The following SAMD3 variants were observed in gnomAD, a reference collection of about 807,000 sequenced individuals.
SAMD3 encodes the protein sterile alpha motif domain-containing protein 3.
Under a neutral mutation model 58.5 loss-of-function variants are expected in SAMD3, and 63 were observed. That is an observed-to-expected ratio of 1.08 (90% CI 0.88 to 1.33). SAMD3 has a LOEUF of 1.33. Among genes scored for constraint, SAMD3 ranks in the 40% most tolerant of loss-of-function variants. SAMD3 has a pLI of 0.00. For missense variants in SAMD3, 604 were observed against 608.4 expected (o/e 0.99, Z 0.08); for synonymous variants, 220 against 210.3 (o/e 1.05, Z -0.40).
intron 2 of SAMD3, among the ~76,000 whole-genome samples, chr6:130,245,530 C>T (rs928028489): frequency 1.3e-5 from 2 of 152,166 alleles, no homozygotes; most frequent in African/African-American, 2.4e-5. Flanking sequence ...AGGTCACTGG[C>T]ACCTGCCAGG....
intron 10 of SAMD3, 22 bp from the exon 11 acceptor site, chr6:130,145,444 C>T: frequency 2.6e-6 from 4 of 1,535,474 alleles, no homozygotes; most frequent in Non-Finnish European, 3.6e-6. Context: ...AATATGTTAA[C>T]ATGTGAAGTA....
chr6:130,200,092 A>C (rs903808240), intron 5 of SAMD3, among the ~76,000 whole-genome samples: 6 of 152,082 alleles, frequency 3.9e-5, no homozygotes, highest in Non-Finnish European at 7.4e-5. Flanking sequence ...CTAATTCATC[A>C]AAAACAAAGC....
At chr6:130,211,707 T>C (rs534412480) in intron 4 of SAMD3, among the ~76,000 whole-genome samples, 1 of 152,122 alleles carries the variant, frequency 6.6e-6, no homozygotes, top group Non-Finnish European at 1.5e-5. Flanking sequence ...CCGTAAAATG[T>C]ATAAAAGCAA....
chr6:130,282,593 T>C (rs535697094), intron 2 of SAMD3, among the ~76,000 whole-genome samples: 1 of 152,094 alleles, frequency 6.6e-6, no homozygotes, highest in African/African-American at 2.4e-5. Flanking sequence ...TGAATAAATA[T>C]GGGACTTTCA....
chr6:130,274,335 T>C (rs1774694553), intron 2 of SAMD3, among the ~76,000 whole-genome samples: 2 of 152,160 alleles, frequency 1.3e-5, no homozygotes, highest in African/African-American at 4.8e-5. Context: ...TTGCTTATAA[T>C]TTTGAAGTAT....
chr6:130,215,215 T>C lies in SAMD3; in HGVS notation c.59A>G (p.Glu20Gly), dbSNP rs758994458. ...CSWLVEKNLG[E>G]LVHRFQEEEV... ...CTCACCTTGAAATCTATGAACTAGC[T>C]CTCCTAAATTTTTCTCCACCAACCA... The change falls in exon 3 of 12, where the codon GAG becomes GGG. Residue 20 changes from glutamate to glycine, a missense_variant. Coordinates refer to ENST00000439090, the MANE Select transcript of SAMD3 (RefSeq NM_001017373.4). 6.2e-7 allele frequency: 1 copy of C among 1,603,030 alleles called. No homozygotes were observed. Among genetic ancestry groups the C allele is most frequent in the Non-Finnish European group, 8.5e-7 (1 of 1,170,706 alleles).
intron 1 of SAMD3, among the ~76,000 whole-genome samples, chr6:130,347,240 G>A (rs1044153703): frequency 4.6e-5 from 7 of 152,170 alleles, no homozygotes; most frequent in Non-Finnish European, 1.0e-4. Context: ...TGACTTTGAC[G>A]AGTTGAGAGA....
At chr6:130,244,670 G>A (rs1306668610) in intron 2 of SAMD3, among the ~76,000 whole-genome samples, 1 of 151,950 alleles carries the variant, frequency 6.6e-6, no homozygotes. Context: ...AACCCAGGAG[G>A]TGGAGGTTGC....
intron 2 of SAMD3, among the ~76,000 whole-genome samples, chr6:130,239,575 C>G (rs1422365333): frequency 2.0e-5 from 3 of 152,092 alleles, no homozygotes; most frequent in African/African-American, 7.2e-5. Flanking sequence ...AGTCCAACTA[C>G]TTCTATTACA....
chr6:130,208,955 G>A (rs1795306499), intron 5 of SAMD3, among the ~76,000 whole-genome samples: 1 of 152,006 alleles, frequency 6.6e-6, no homozygotes, highest in Non-Finnish European at 1.5e-5. Context: ...TCCTACATGT[G>A]GTTCTCTAAG....
intron 2 of SAMD3, among the ~76,000 whole-genome samples, chr6:130,261,018 G>A (rs1774108718): frequency 6.6e-6 from 1 of 151,952 alleles, no homozygotes; most frequent in East Asian, 1.9e-4. Flanking sequence ...ACTGGTCTTG[G>A]GAACTTGCCC....
intron 2 of SAMD3, among the ~76,000 whole-genome samples, chr6:130,294,841 T>G (rs1295109968): frequency 6.6e-6 from 1 of 151,742 alleles, no homozygotes; most frequent in East Asian, 1.9e-4. Context: ...TTATTTATTG[T>G]TATTGTATTT....
chr6:130,345,880 A>C (rs942022167), intron 1 of SAMD3, among the ~76,000 whole-genome samples: 9 of 152,194 alleles, frequency 5.9e-5, no homozygotes, highest in African/African-American at 2.2e-4. Flanking sequence ...GTCATGTGTC[A>C]TTGTGCCTGT....
chr6:130,336,181 T>G (rs1467919990), intron 1 of SAMD3, among the ~76,000 whole-genome samples: 2 of 152,092 alleles, frequency 1.3e-5, no homozygotes, highest in African/African-American at 4.8e-5. Context: ...ACAATAAAAT[T>G]TAAAAATTTA....
At chr6:130,216,318 A>T (rs1222362059) in intron 2 of SAMD3, among the ~76,000 whole-genome samples, 2 of 152,190 alleles carry the variant, frequency 1.3e-5, no homozygotes, top group Non-Finnish European at 2.9e-5. Flanking sequence ...GGCAATTTCA[A>T]ATCTTAATCT....
intron 9 of SAMD3, among the ~76,000 whole-genome samples, chr6:130,151,354 A>C (rs949280416): frequency 6.6e-6 from 1 of 151,766 alleles, no homozygotes; most frequent in Non-Finnish European, 1.5e-5. Flanking sequence ...TTCCAGCTTT[A>C]TCCATGTTAA....
At chr6:130,298,552 C>T (rs1208061487) in intron 2 of SAMD3, among the ~76,000 whole-genome samples, 1 of 152,052 alleles carries the variant, frequency 6.6e-6, no homozygotes, top group Non-Finnish European at 1.5e-5. Flanking sequence ...ATAACGAAAG[C>T]AGTATTAAGA....
At chr6:130,310,640 T>A (rs1429282945) in intron 2 of SAMD3, among the ~76,000 whole-genome samples, 1 of 152,244 alleles carries the variant, frequency 6.6e-6, no homozygotes, top group Non-Finnish European at 1.5e-5. Flanking sequence ...ATAAATAATG[T>A]ACTTCTACTG....
At chr6:130,150,736 G>T (rs1243084919) in intron 9 of SAMD3, among the ~76,000 whole-genome samples, 1 of 146,134 alleles carries the variant, frequency 6.8e-6, no homozygotes, top group Non-Finnish European at 1.5e-5. Flanking sequence ...TTTTGAGACA[G>T]AATCTCACTC....
Sources: gnomAD v4.1 joint callset for allele counts (sites outside exome capture counted in the v4.1 genomes callset) on GRCh38, gnomAD v4.1.1 for gene constraint, MANE v1.5 for transcripts, NCBI Gene and HGNC (gene_info 2026-07-23, HGNC 2026-07-21) for gene names.